The following ANKRD62 variants were observed in gnomAD, a reference collection of about 807,000 sequenced individuals.
ANKRD62 encodes ankyrin repeat domain 62, also known as ankyrin repeat domain-containing protein 62.
ANKRD62 carries 61 observed loss-of-function variants against 98.8 expected under a neutral mutation model. The observed-to-expected ratio is 0.62, with a 90% CI of 0.50 to 0.76. The LOEUF is 0.76. Ranked by LOEUF, ANKRD62 falls within the 30% of genes least tolerant of loss-of-function variation. The pLI is 0.00. For missense variants in ANKRD62, 933 were observed against 1,082.9 expected (o/e 0.86, Z 1.94); for synonymous variants, 341 against 367.9 (o/e 0.93, Z 0.84).
intron 12 of ANKRD62, 69 bp from the exon 13 acceptor site, chr18:12,125,391 A>C: frequency 2.3e-6 from 3 of 1,328,144 alleles, no homozygotes; most frequent in Non-Finnish European, 2.9e-6. Flanking sequence ...TTACTTATTT[A>C]GTTTCAGAAG....
chr18:12,094,803 A>T (rs1317435276), intron 1 of ANKRD62, among the ~76,000 whole-genome samples: 10 of 39,556 alleles, frequency 2.5e-4, no homozygotes, highest in African/African-American at 1.1e-3. Context: ...GGGGTTGGGG[A>T]CTGTGGTGGG....
At chr18:12,140,582 G>A in the ANKRD62 span, among the ~76,000 whole-genome samples, 1 of 152,184 alleles carries the variant, frequency 6.6e-6, no homozygotes, top group Non-Finnish European at 1.5e-5. Flanking sequence ...ACCCTCAGCT[G>A]CAGGTCTGTT....
chr18:12,157,533 G>A, the ANKRD62 span, among the ~76,000 whole-genome samples: 1 of 152,164 alleles, frequency 6.6e-6, no homozygotes, highest in East Asian at 1.9e-4. Flanking sequence ...ATAATATGAT[G>A]TAATATCCTT....
At chr18:12,140,751 GC>G in the ANKRD62 span, among the ~76,000 whole-genome samples, 2 of 152,118 alleles carry the variant, frequency 1.3e-5, no homozygotes, top group Admixed American at 6.5e-5. Flanking sequence ...GTGTCAGTCC[GC>G]CCCTAGTTGG....
downstream of ANKRD62, among the ~76,000 whole-genome samples, chr18:12,131,959 T>C (rs1229245789): frequency 6.6e-6 from 1 of 152,190 alleles, no homozygotes. Flanking sequence ...GCCATGAGAG[T>C]CTTAAAATCA....
the ANKRD62 span, among the ~76,000 whole-genome samples, chr18:12,134,908 A>C: frequency 4.6e-5 from 7 of 152,166 alleles, no homozygotes; most frequent in Non-Finnish European, 1.5e-5. Context: ...TGGCTAGGTC[A>C]AATGGTATTT....
the ANKRD62 span, among the ~76,000 whole-genome samples, chr18:12,156,477 G>A: frequency 1.3e-5 from 2 of 152,018 alleles, no homozygotes; most frequent in Non-Finnish European, 2.9e-5. Flanking sequence ...CTATGGATTA[G>A]ATCCACTACT....
intron 6 of ANKRD62, chr18:12,102,530 C>A: frequency 3.1e-6 from 1 of 327,862 alleles, no homozygotes; most frequent in South Asian, 3.2e-5. Context: ...TAGTTATAGT[C>A]GGTTAAAACA....
At chr18:12,138,645 G>C in the ANKRD62 span, among the ~76,000 whole-genome samples, 1 of 152,172 alleles carries the variant, frequency 6.6e-6, no homozygotes, top group East Asian at 1.9e-4. Context: ...TGACAGTGGG[G>C]TGTTAAAGTC....
intron 10 of ANKRD62, among the ~76,000 whole-genome samples, chr18:12,117,973 T>C (rs1278853072): frequency 6.6e-6 from 1 of 152,218 alleles, no homozygotes; most frequent in Non-Finnish European, 1.5e-5. Context: ...ATTTTTCAAA[T>C]ACCCTCTACC....
At chr18:12,102,123 A>G (rs1271468867) in intron 6 of ANKRD62, 7 of 1,312,298 alleles carry the variant, frequency 5.3e-6, no homozygotes, top group Admixed American at 1.7e-5. Context: ...AGGCATCCCC[A>G]TGAACATAGT....
At chr18:12,135,332 G>A in the ANKRD62 span, among the ~76,000 whole-genome samples, 102 of 150,788 alleles carry the variant, frequency 6.8e-4, no homozygotes, top group Non-Finnish European at 3.2e-4. Context: ...TGAGAATGAC[G>A]GTTTCCAGCT....
the ANKRD62 span, among the ~76,000 whole-genome samples, chr18:12,177,603 C>T: frequency 6.6e-5 from 10 of 151,918 alleles, 1 homozygote; most frequent in African/African-American, 1.5e-4. Context: ...TTGTAGGACA[C>T]GCCAAGACTT....
chr18:12,157,595 T>G, the ANKRD62 span, among the ~76,000 whole-genome samples: 2 of 152,214 alleles, frequency 1.3e-5, no homozygotes, highest in Non-Finnish European at 2.9e-5. Flanking sequence ...CATCCGTGAA[T>G]TATCTGTTTC....
chr18:12,102,541 T>C (rs529050098), intron 6 of ANKRD62: 47 of 323,722 alleles, frequency 1.5e-4, no homozygotes, highest in Non-Finnish European at 2.1e-4. Flanking sequence ...GGTTAAAACA[T>C]AAACTCGCTT....
the ANKRD62 span, among the ~76,000 whole-genome samples, chr18:12,135,894 GT>G: frequency 0.023 from 3,483 of 151,968 alleles, 130 homozygotes; most frequent in African/African-American, 0.077. Flanking sequence ...GGGGTTGTTT[GT>G]TTTTTTCTTG....
chr18:12,170,161 C>G, the ANKRD62 span, among the ~76,000 whole-genome samples: 1 of 152,040 alleles, frequency 6.6e-6, no homozygotes, highest in Non-Finnish European at 1.5e-5. Context: ...TTATTTCTTG[C>G]CTTCTGCTAG....
rs1490055995 is a variant in ANKRD62 at position 12,094,939 on chromosome 18, G to A, written c.219-232G>A. Among the ~76,000 whole-genome samples the A allele has an allele frequency of 6.8e-4, 94 of 137,776 alleles. 2 individuals carry two copies. The highest frequency in any genetic ancestry group is 1.9e-4 in the Non-Finnish European group (12 of 63,206). 90.4% of individuals were successfully genotyped at this position (137,776 alleles called of 152,430 possible). A position where few individuals can be genotyped will look rare whatever the true frequency, so the allele number is the denominator to read the frequency against. ...TGGGTAGGATGTGGGTACGATGCAA[G>A]GGTGGGGGTGGGGGTGGGGTGAGTG... On this transcript the variant is annotated intron_variant, in intron 1 of 13. Coordinates refer to ENST00000587848, the MANE Select transcript of ANKRD62 (RefSeq NM_001277333.2).
At chr18:12,138,467 G>T in the ANKRD62 span, among the ~76,000 whole-genome samples, 1,665 of 152,174 alleles carry the variant, frequency 0.011, 22 homozygotes, top group Middle Eastern at 0.054. Context: ...TACTTCCAAC[G>T]ATGTGGTCAA....
Sources: allele counts gnomAD v4.1 joint callset (sites outside exome capture counted in the v4.1 genomes callset), GRCh38; gene constraint gnomAD v4.1.1; transcripts MANE v1.5; gene names NCBI Gene and HGNC (gene_info 2026-07-23, HGNC 2026-07-21).